The following CCNE2 variants were observed in gnomAD, a reference collection of about 807,000 sequenced individuals.
CCNE2 encodes the protein cyclin E2.
In CCNE2, 18 loss-of-function variants were observed where a neutral mutation model predicts 56.8. That is an observed-to-expected ratio of 0.32 (90% CI 0.22 to 0.47). The LOEUF (loss-of-function observed/expected upper bound fraction) is 0.47, where lower values mean the gene tolerates loss of function less well. CCNE2 is among the 20% of genes least tolerant of loss of function. The pLI, the probability that CCNE2 is intolerant of heterozygous loss-of-function variation, is 1.00. For missense variants in CCNE2, 371 were observed against 467.1 expected (o/e 0.79, Z 1.90); for synonymous variants, 139 against 149.2 (o/e 0.93, Z 0.50).
intron 1 of CCNE2, chr8:94,894,451 C>T: frequency 1.7e-6 from 1 of 572,928 alleles, no homozygotes; most frequent in Non-Finnish European, 3.1e-6. Flanking sequence ...ACTGAATGTA[C>T]AGCTGGAACG....
intron 7 of CCNE2, among the ~76,000 whole-genome samples, chr8:94,886,270 T>C (rs990883947): frequency 1.3e-5 from 2 of 152,244 alleles, no homozygotes; most frequent in Non-Finnish European, 2.9e-5. Context: ...TCTAGGTATC[T>C]AGTAACTATA....
rs28399555 is a variant in CCNE2 at position 94,894,258 on chromosome 8, G to A, written c.-26-11C>T. On this transcript the variant is annotated splice_polypyrimidine_tract_variant and intron_variant, in intron 1 of 11. Transcript: ENST00000308108. ...AGGTGTATAAAACCTCTGAAGGGGG[G>A]AGAGGAAAAGCCGCAGTCAAGTACA... 2.0e-3 allele frequency: 3,255 copies of A among 1,612,450 alleles called. 61 individuals are homozygous for A. In the African/African-American group the frequency reaches 0.038, roughly 19 times the overall value.
chr8:94,891,721 C>T, intron 5 of CCNE2: 1 of 776,338 alleles, frequency 1.3e-6, no homozygotes. Context: ...ACAGAAACAG[C>T]ATGTGCCATT....
At chr8:94,894,496 C>A in intron 1 of CCNE2, 1 of 488,538 alleles carries the variant, frequency 2.0e-6, no homozygotes, top group Non-Finnish European at 3.7e-6. Context: ...ACTCCTGACA[C>A]CTTGAACGCG....
intron 9 of CCNE2, 85 bp from the exon 10 acceptor site, chr8:94,882,977 T>G (rs1369480598): frequency 1.1e-6 from 1 of 932,472 alleles, no homozygotes; most frequent in Non-Finnish European, 1.7e-6. Context: ...GATCTAGAGA[T>G]AAATAAGCCA....
chr8:94,892,874 A>T lies in CCNE2; in HGVS notation c.261T>A (p.Phe87Leu), dbSNP rs775262978. ...KEIGTSDFSR[F>L]TNYRFKNLFI... ...AAAGATTTTTAAATCTGTAATTTGT[A>T]AATCTGGAGAAATCACTTGTTCCTA... Residue 87 changes from phenylalanine (F) to leucine (L), a missense_variant, in exon 5 of 12, where the codon TTT becomes TTA. Coordinates refer to ENST00000308108, the MANE Select transcript of CCNE2 (RefSeq NM_057749.3). 6.6e-7 allele frequency: 1 copy of T among 1,511,614 alleles called. No homozygotes were observed. Among genetic ancestry groups the T allele is most frequent in the East Asian group, 2.4e-5 (1 of 41,094 alleles). The allele number at this position is 1,511,614 out of a possible 1,614,324, so 93.6% of individuals were successfully genotyped here. A position where few individuals can be genotyped will look rare whatever the true frequency, so the allele number is the denominator to read the frequency against.
At chr8:94,881,915 C>T in intron 11 of CCNE2, 170 bp from the exon 12 acceptor site, 1 of 899,318 alleles carries the variant, frequency 1.1e-6, no homozygotes, top group Non-Finnish European at 1.6e-6. Flanking sequence ...TTTTTAAACT[C>T]TTTATCTAGA....
intron 9 of CCNE2, chr8:94,883,696 A>C (rs1816920320): frequency 3.9e-6 from 1 of 254,876 alleles, no homozygotes; most frequent in African/African-American, 2.2e-5. Context: ...AAGATACCTT[A>C]GAATGCAGTG....
chr8:94,881,057 T>G lies in CCNE2; in HGVS notation c.*575A>C, dbSNP rs569977088. The G allele has an allele frequency of 7.6e-4, 301 of 398,324 alleles. No individual in the cohort carries two copies. The highest frequency in any genetic ancestry group is 5.5e-3 in the African/African-American group (267 of 48,752). The allele number at this position is 398,324 out of a possible 1,614,324, so 24.7% of individuals were successfully genotyped here. A position where few individuals can be genotyped will look rare whatever the true frequency, so the allele number is the denominator to read the frequency against. On this transcript the variant is annotated 3_prime_UTR_variant, in exon 12 of 12. Coordinates refer to ENST00000308108, the MANE Select transcript of CCNE2 (RefSeq NM_057749.3). ...GCAAATAAACTAGTTTAAAAAACAT[T>G]AAATTTCACCATTTGTAGAAATTCA... is the stretch of plus-strand genomic sequence containing the variant.
rs183676809 is a variant in CCNE2, at chr8:94,881,025, T to C, written c.*607A>G. ...GCCTTATTAGTTAAAAAATGTGTTA[T>C]GGCAAGGCAAATAAACTAGTTTAAA... On this transcript the variant is annotated 3_prime_UTR_variant, in exon 12 of 12. Coordinates refer to ENST00000308108, the MANE Select transcript of CCNE2 (RefSeq NM_057749.3). 368 of 398,678 alleles carry C rather than the reference T, an allele frequency of 9.2e-4. No homozygotes were observed. Among genetic ancestry groups the C allele is most frequent in the African/African-American group, 5.7e-3 (279 of 48,756 alleles). The allele number at this position is 398,678 out of a possible 1,614,324, so 24.7% of individuals were successfully genotyped here. A position where few individuals can be genotyped will look rare whatever the true frequency, so the allele number is the denominator to read the frequency against.
chr8:94,884,582 GCC>G (rs1390322271), intron 9 of CCNE2: 1 of 154,290 alleles, frequency 6.5e-6, no homozygotes, highest in Admixed American at 6.5e-5. Context: ...GAGCCACAGT[GCC>G]CGGCCAGATC....
At position 94,881,198 on chromosome 8, in the gene CCNE2, G is replaced by C. The variant is rs1341760175; in HGVS notation, c.*434C>G. 4 of 376,864 alleles carry C rather than the reference G, an allele frequency of 1.1e-5. No individual in the cohort carries two copies. Among genetic ancestry groups the C allele is most frequent in the African/African-American group, 4.1e-5 (2 of 48,298 alleles). The allele number at this position is 376,864 out of a possible 1,614,324, so 23.3% of individuals were successfully genotyped here. A position where few individuals can be genotyped will look rare whatever the true frequency, so the allele number is the denominator to read the frequency against. ...TCAAGAACCAAATTGCACTAGTCAA[G>C]AGTGTAGGAATTTTGAGAATCTAAC... On this transcript the variant is annotated 3_prime_UTR_variant, in exon 12 of 12. Transcript: ENST00000308108.
chr8:94,888,119 C>G (rs1817100973), intron 6 of CCNE2, 46 bp from the exon 7 acceptor site: 1 of 1,367,214 alleles, frequency 7.3e-7, no homozygotes, highest in Admixed American at 2.6e-5. Flanking sequence ...TGAATTTCTC[C>G]AAATTAGAAA....
At chr8:94,890,586 TATATA>T (rs1563683334) in intron 5 of CCNE2, 36 bp from the exon 6 acceptor site, 1 of 577,566 alleles carries the variant, frequency 1.7e-6, no homozygotes, top group South Asian at 8.0e-5. Flanking sequence ...TATATATATA[TATATA>T]TTTTTTTTTT....
At chr8:94,895,803 C>G (rs113379701), upstream of CCNE2, 1 of 152,450 alleles carries the variant, frequency 6.6e-6, no homozygotes, top group Non-Finnish European at 1.5e-5. Context: ...GTAAACACCA[C>G]TCAGCCACGC....
intron 7 of CCNE2, 52 bp from the exon 8 acceptor site, chr8:94,885,610 A>C (rs757918416): frequency 8.8e-7 from 1 of 1,134,800 alleles, no homozygotes; most frequent in East Asian, 2.4e-5. Flanking sequence ...AATTAATTAC[A>C]AATGTTCCTC....
chr8:94,886,532 C>T (rs567877228), intron 7 of CCNE2, among the ~76,000 whole-genome samples: 44 of 152,210 alleles, frequency 2.9e-4, no homozygotes, highest in South Asian at 1.5e-3. Flanking sequence ...CAAAGAGAAA[C>T]GCTGTCCCTA....
At chr8:94,889,108 A>G (rs767578406) in intron 6 of CCNE2, among the ~76,000 whole-genome samples, 108 of 151,986 alleles carry the variant, frequency 7.1e-4, no homozygotes, top group Non-Finnish European at 1.4e-3. Flanking sequence ...AGATCGTGCC[A>G]TTCCATTCTG....
Position 94,892,834 on chromosome 8 carries a change from G to A in CCNE2, c.301C>T (p.Pro101Ser). The change falls in exon 5 of 12, where the codon CCT becomes TCT. Residue 101 changes from proline to serine, a missense_variant. By Grantham distance (74) the Pro-to-Ser change is moderately conservative. Transcript: ENST00000308108. The stretch of plus-strand genomic sequence containing the variant: ...TTTTCTTACCTTAAATCAGGCAAAG[G>A]TGAAGGATTAATAAAAAGATTTTTA... ...RFKNLFINPS[P>S]LPDLSWGCSK... 7.0e-7 allele frequency: 1 copy of A among 1,437,756 alleles called. No individual in the cohort carries two copies. Among genetic ancestry groups the A allele is most frequent in the Non-Finnish European group, 9.4e-7 (1 of 1,065,512 alleles). The allele number at this position is 1,437,756 out of a possible 1,614,324, so 89.1% of individuals were successfully genotyped here.
Sources: allele counts gnomAD v4.1 joint callset (sites outside exome capture counted in the v4.1 genomes callset), GRCh38; gene constraint gnomAD v4.1.1; transcripts MANE v1.5; gene names NCBI Gene and HGNC (gene_info 2026-07-23, HGNC 2026-07-21).